The following DLG2 variants were observed in gnomAD, a reference collection of about 807,000 sequenced individuals.
The protein encoded by DLG2 is discs large MAGUK scaffold protein 2, also known as disks large homolog 2.
DLG2 carries 45 observed loss-of-function variants against 132.5 expected under a neutral mutation model. That is an observed-to-expected ratio of 0.34 (90% CI 0.27 to 0.44). The LOEUF (loss-of-function observed/expected upper bound fraction) is 0.44, where lower values mean the gene tolerates loss of function less well. DLG2 is among the 20% of genes least tolerant of loss of function. The pLI is 1.00. For missense variants in DLG2, 1,045 were observed against 1,196.9 expected (o/e 0.87, Z 1.87); for synonymous variants, 424 against 419.6 (o/e 1.01, Z -0.13).
chr11:85,170,421 T>C (rs1595042150), intron 4 of DLG2, among the ~76,000 whole-genome samples: 1 of 152,144 alleles, frequency 6.6e-6, no homozygotes, highest in East Asian at 1.9e-4. Context: ...GGAATTCTAG[T>C]TTCTATGACT....
chr11:83,805,149 G>T (rs1288694235), intron 17 of DLG2, among the ~76,000 whole-genome samples: 2 of 151,968 alleles, frequency 1.3e-5, no homozygotes, highest in Non-Finnish European at 2.9e-5. Context: ...TTTCTATTTT[G>T]CAAATAACAA....
chr11:85,125,122 G>A (rs925270338), intron 5 of DLG2, among the ~76,000 whole-genome samples: 1 of 152,192 alleles, frequency 6.6e-6, no homozygotes, highest in African/African-American at 2.4e-5. Flanking sequence ...GAGCCACCGT[G>A]CCCAGCCTGA....
intron 17 of DLG2, among the ~76,000 whole-genome samples, chr11:83,811,192 A>G (rs193121589): frequency 1.1e-3 from 161 of 152,166 alleles, no homozygotes; most frequent in Non-Finnish European, 2.2e-4. Context: ...GCAGATGAAA[A>G]CCCACTCAAT....
At chr11:85,192,289 T>C (rs1006622141) in intron 4 of DLG2, among the ~76,000 whole-genome samples, 4 of 152,230 alleles carry the variant, frequency 2.6e-5, no homozygotes, top group Non-Finnish European at 5.9e-5. Flanking sequence ...AACTACTCCA[T>C]AAAAACAGCT....
chr11:84,925,278 A>T (rs1408635771), intron 6 of DLG2, among the ~76,000 whole-genome samples: 2 of 152,212 alleles, frequency 1.3e-5, no homozygotes, highest in African/African-American at 4.8e-5. Flanking sequence ...GGATTAAATG[A>T]AACAAGTTAC....
At chr11:85,483,424 C>T (rs1335915160) in intron 3 of DLG2, among the ~76,000 whole-genome samples, 1 of 152,022 alleles carries the variant, frequency 6.6e-6, no homozygotes, top group Non-Finnish European at 1.5e-5. Context: ...CACAGACAAA[C>T]AAAAGCTAAG....
chr11:84,251,889 C>G (rs865974943), intron 7 of DLG2, among the ~76,000 whole-genome samples: 1 of 151,802 alleles, frequency 6.6e-6, no homozygotes, highest in African/African-American at 2.4e-5. Context: ...CTACCCACCT[C>G]GGACTCCCAA....
chr11:83,732,645 G>A (rs748637061), intron 18 of DLG2, among the ~76,000 whole-genome samples: 1 of 152,298 alleles, frequency 6.6e-6, no homozygotes, highest in East Asian at 1.9e-4. Context: ...TATTTGAGAA[G>A]ATTTATGTAT....
At chr11:83,787,522 C>T (rs1290235972) in intron 17 of DLG2, among the ~76,000 whole-genome samples, 26 of 151,646 alleles carry the variant, frequency 1.7e-4, no homozygotes, top group Non-Finnish European at 1.0e-4. Flanking sequence ...GGGGTTTCAC[C>T]GTGTTAGCCA....
At chr11:83,841,294 G>A (rs2057466053) in intron 16 of DLG2, among the ~76,000 whole-genome samples, 1 of 152,182 alleles carries the variant, frequency 6.6e-6, no homozygotes, top group Non-Finnish European at 1.5e-5. Context: ...TGGGGACTCT[G>A]ATTTCCTATT....
chr11:84,074,621 C>T (rs1341902252), intron 10 of DLG2, among the ~76,000 whole-genome samples: 71 of 151,678 alleles, frequency 4.7e-4, no homozygotes, highest in African/African-American at 1.2e-4. Context: ...CTCCGCCTCC[C>T]GGGTTCACGC....
chr11:85,110,659 G>A (rs544727370), intron 6 of DLG2, among the ~76,000 whole-genome samples: 7 of 152,074 alleles, frequency 4.6e-5, no homozygotes, highest in East Asian at 1.9e-4. Context: ...CAAAAACTGA[G>A]GAAAAAAGCT....
chr11:84,211,832 C>CT lies in DLG2; in HGVS notation c.573+39405dup, dbSNP rs1003343897. 5.3e-5 allele frequency among the ~76,000 whole-genome samples: 8 copies of CT among 152,154 alleles called. No individual in the cohort carries two copies. In the East Asian group the frequency reaches 1.2e-3, roughly 22 times the overall value. ...AAAATAATGGCTGATTATATTCAGA[C>CT]TTTTTTTGCTGTGAAGATAAGATAT... On this transcript the variant is annotated intron_variant, in intron 8 of 27. Coordinates refer to ENST00000376104, the MANE Select transcript of DLG2 (RefSeq NM_001142699.3).
intron 6 of DLG2, among the ~76,000 whole-genome samples, chr11:84,902,408 G>GAGGTAGCA (rs1194412782): frequency 1.3e-5 from 2 of 152,176 alleles, no homozygotes; most frequent in Non-Finnish European, 2.9e-5. Flanking sequence ...AATGCATCAT[G>GAGGTAGCA]TGGTAGCACT....
chr11:84,540,206 T>C (rs2099364838), intron 6 of DLG2, among the ~76,000 whole-genome samples: 1 of 152,048 alleles, frequency 6.6e-6, no homozygotes, highest in Non-Finnish European at 1.5e-5. Flanking sequence ...CTAATTAAAC[T>C]AAACAGCTCC....
chr11:84,205,272 T>G lies in DLG2; in HGVS notation c.574-41761A>C, dbSNP rs926415694. Among the ~76,000 whole-genome samples the G allele has an allele frequency of 4.7e-4, 71 of 152,300 alleles. 1 individual carries two copies. The highest frequency in any genetic ancestry group is 1.5e-3 in the African/African-American group (64 of 41,566). ...AAACTTACAAAACTAAAGGGAAGTATAGACAAATCTACAAATATATTTGGA... is the reference window on the plus strand; with the variant it reads ...AAACTTACAAAACTAAAGGGAAGTAGAGACAAATCTACAAATATATTTGGA... On this transcript the variant is annotated intron_variant, in intron 8 of 27. Coordinates refer to ENST00000376104, the MANE Select transcript of DLG2 (RefSeq NM_001142699.3).
At chr11:84,691,595 A>G (rs1261614402) in intron 6 of DLG2, among the ~76,000 whole-genome samples, 1 of 151,770 alleles carries the variant, frequency 6.6e-6, no homozygotes, top group Non-Finnish European at 1.5e-5. Context: ...CATTTTTCTC[A>G]CATAAAATAA....
intron 8 of DLG2, 108 bp downstream of exon 8, chr11:84,251,130 C>A: frequency 1.6e-6 from 1 of 611,902 alleles, no homozygotes; most frequent in Non-Finnish European, 2.7e-6. Context: ...CATGTCATTC[C>A]ATAAGATTAT....
At chr11:83,521,508 G>A (rs2095479899) in intron 21 of DLG2, among the ~76,000 whole-genome samples, 1 of 152,148 alleles carries the variant, frequency 6.6e-6, no homozygotes, top group Non-Finnish European at 1.5e-5. Context: ...ACTTAATGCT[G>A]CAGACTTGAT....
Sources: gnomAD v4.1 joint callset for allele counts (sites outside exome capture counted in the v4.1 genomes callset) on GRCh38, gnomAD v4.1.1 for gene constraint, MANE v1.5 for transcripts, NCBI Gene and HGNC (gene_info 2026-07-23, HGNC 2026-07-21) for gene names.